The following FGF14 variants were observed in gnomAD, a reference collection of about 807,000 sequenced individuals.
FGF14 encodes the protein fibroblast growth factor homologous factor 4.
A neutral mutation model predicts 25.5 loss-of-function variants in FGF14; 5 were observed. The ratio of observed to expected loss-of-function variants is 0.20; its 90% CI spans 0.10 to 0.41. The LOEUF is 0.41. FGF14 is among the 10% of genes least tolerant of loss of function. FGF14 has a pLI of 1.00. For synonymous variants in FGF14, 138 were observed against 118.3 expected, an observed-to-expected ratio of 1.17 and a Z score of -1.08; for missense variants, 222 against 320.1, an observed-to-expected ratio of 0.69 and a Z score of 2.34.
At chr13:102,318,474 G>C (rs2056119908) in intron 1 of FGF14, among the ~76,000 whole-genome samples, 1 of 152,156 alleles carries the variant, frequency 6.6e-6, no homozygotes, top group African/African-American at 2.4e-5. Context: ...TGGCAGAGTG[G>C]ACTCTTTCTG....
chr13:102,236,450 C>A (rs1454866827), intron 1 of FGF14, among the ~76,000 whole-genome samples: 1 of 152,186 alleles, frequency 6.6e-6, no homozygotes, highest in Non-Finnish European at 1.5e-5. Flanking sequence ...GACCCTTTGA[C>A]AGACTGAGAA....
intron 1 of FGF14, among the ~76,000 whole-genome samples, chr13:101,960,780 A>G (rs932997014): frequency 2.0e-5 from 3 of 152,212 alleles, no homozygotes; most frequent in Non-Finnish European, 4.4e-5. Context: ...TGTCTTCTAC[A>G]ATGGTTGAAC....
At chr13:101,923,134 G>A (rs2034125094) in intron 1 of FGF14, among the ~76,000 whole-genome samples, 1 of 151,960 alleles carries the variant, frequency 6.6e-6, no homozygotes, top group Non-Finnish European at 1.5e-5. Flanking sequence ...TACATAAAAA[G>A]TATTGGCATC....
chr13:102,317,092 G>A (rs147807767), intron 1 of FGF14, among the ~76,000 whole-genome samples: 78 of 152,150 alleles, frequency 5.1e-4, no homozygotes, highest in African/African-American at 1.6e-3. Flanking sequence ...AGGCACCGAT[G>A]TCAGTATGCC....
chr13:102,303,166 C>T (rs1786023517), intron 1 of FGF14, among the ~76,000 whole-genome samples: 1 of 152,156 alleles, frequency 6.6e-6, no homozygotes, highest in Admixed American at 6.6e-5. Flanking sequence ...GCTCCCTTTG[C>T]CTAGACTGTC....
chr13:102,113,170 G>A (rs1681073306), intron 1 of FGF14, among the ~76,000 whole-genome samples: 1 of 152,174 alleles, frequency 6.6e-6, no homozygotes, highest in African/African-American at 2.4e-5. Context: ...ATGCTTCTCT[G>A]TTGAAAGCTG....
intron 1 of FGF14, among the ~76,000 whole-genome samples, chr13:101,887,006 C>T (rs2046023579): frequency 1.3e-5 from 2 of 152,022 alleles, no homozygotes; most frequent in Admixed American, 6.6e-5. Context: ...CTATCTCACC[C>T]CAGTTGACAT....
chr13:101,790,504 C>T (rs549388044), intron 3 of FGF14, among the ~76,000 whole-genome samples: 3 of 150,552 alleles, frequency 2.0e-5, no homozygotes, highest in Admixed American at 2.0e-4. Context: ...AGGGAAGGTG[C>T]AAAGGCAAAA....
At chr13:102,278,324 T>C (rs1272164683) in intron 1 of FGF14, among the ~76,000 whole-genome samples, 7 of 152,188 alleles carry the variant, frequency 4.6e-5, no homozygotes, top group Non-Finnish European at 1.0e-4. Flanking sequence ...GGCTCAGGGT[T>C]GCCCTTCACA....
intron 1 of FGF14, among the ~76,000 whole-genome samples, chr13:101,940,265 C>G (rs1049078805): frequency 1.3e-5 from 2 of 152,118 alleles, no homozygotes; most frequent in Non-Finnish European, 2.9e-5. Context: ...AAAGGGTGAT[C>G]GGGAGGTCTC....
intron 1 of FGF14, among the ~76,000 whole-genome samples, chr13:101,891,038 C>T (rs9554831): frequency 0.35 from 53,081 of 151,938 alleles, 10,470 homozygotes; most frequent in African/African-American, 0.51. Context: ...GCCCTTAGTA[C>T]AGGCTAAGCC....
At chr13:101,953,570 G>GTGTGTGTGTGTATATATATA (rs532696085) in intron 1 of FGF14, among the ~76,000 whole-genome samples, 39 of 138,140 alleles carry the variant, frequency 2.8e-4, no homozygotes, top group African/African-American at 9.6e-4. Context: ...GTGTGTGTGT[G>GTGTGTGTGTGTATATATATA]TATATATATA....
intron 1 of FGF14, among the ~76,000 whole-genome samples, chr13:102,283,195 C>T (rs1049233471): frequency 6.6e-6 from 1 of 152,158 alleles, no homozygotes; most frequent in African/African-American, 2.4e-5. Context: ...GAGCAAATGA[C>T]CTGGGAATTG....
intron 3 of FGF14, among the ~76,000 whole-genome samples, chr13:101,837,194 G>T (rs191497601): frequency 6.6e-6 from 1 of 152,054 alleles, no homozygotes; most frequent in Non-Finnish European, 1.5e-5. Flanking sequence ...ATGTGTGTTT[G>T]TGTGTGTGTA....
chr13:101,847,156 G>C (rs1401885602), intron 3 of FGF14, among the ~76,000 whole-genome samples: 2 of 151,958 alleles, frequency 1.3e-5, no homozygotes, highest in Non-Finnish European at 2.9e-5. Context: ...CTAGAATTTA[G>C]GTTAGAAATA....
At chr13:102,006,177 G>T (rs2139768943) in intron 1 of FGF14, among the ~76,000 whole-genome samples, 1 of 152,296 alleles carries the variant, frequency 6.6e-6, no homozygotes, top group East Asian at 1.9e-4. Context: ...AACAAGGGGA[G>T]AACCTGGGGA....
intron 3 of FGF14, among the ~76,000 whole-genome samples, chr13:101,855,903 GTTT>G (rs11446357): frequency 6.8e-6 from 1 of 147,500 alleles, no homozygotes; most frequent in African/African-American, 2.5e-5. Context: ...ATTCCTACAA[GTTT>G]TTTTTTTTTT....
intron 3 of FGF14, among the ~76,000 whole-genome samples, chr13:101,848,496 G>A (rs1227769240): frequency 6.6e-6 from 1 of 152,046 alleles, no homozygotes; most frequent in African/African-American, 2.4e-5. Context: ...ATGAGTGACT[G>A]CCAAGGGAGA....
intron 1 of FGF14, among the ~76,000 whole-genome samples, chr13:102,347,438 G>A (rs1332184867): frequency 6.6e-6 from 1 of 152,186 alleles, no homozygotes; most frequent in African/African-American, 2.4e-5. Context: ...AGATGGTGAG[G>A]TGGATGTGTA....
Sources: allele counts gnomAD v4.1 joint callset (sites outside exome capture counted in the v4.1 genomes callset), GRCh38; gene constraint gnomAD v4.1.1; transcripts MANE v1.5; gene names NCBI Gene and HGNC (gene_info 2026-07-23, HGNC 2026-07-21).